PAG1: variants seen among roughly 807,000 people sequenced by gnomAD.
PAG1 encodes the protein phosphoprotein membrane anchor with glycosphingolipid microdomains 1, also known as phosphoprotein associated with glycosphingolipid-enriched microdomains 1.
In PAG1, 23 loss-of-function variants were observed where a neutral mutation model predicts 31.7. That is an observed-to-expected ratio of 0.73 (90% CI 0.52 to 1.03). The LOEUF (loss-of-function observed/expected upper bound fraction) is 1.03, where lower values mean the gene tolerates loss of function less well. Among genes scored for constraint, PAG1 ranks in the 50% least tolerant of loss-of-function variants. PAG1 has a pLI of 0.00. For synonymous variants in PAG1, 214 were observed against 210.3 expected (o/e 1.02, Z -0.15); for missense variants, 473 against 540.7 (o/e 0.87, Z 1.24).
chr8:80,994,225 T>G (rs1807625362), intron 3 of PAG1, among the ~76,000 whole-genome samples: 2 of 152,104 alleles, frequency 1.3e-5, no homozygotes, highest in African/African-American at 2.4e-5. Context: ...TATATTCACC[T>G]GCATTTATTT....
intron 3 of PAG1, among the ~76,000 whole-genome samples, chr8:81,018,915 CAGA>C (rs1387751258): frequency 1.3e-5 from 2 of 152,260 alleles, no homozygotes; most frequent in Admixed American, 1.3e-4. Flanking sequence ...TTGGAGGGCT[CAGA>C]AGAAGATAAG....
At chr8:81,087,153 A>C (rs891152826) in intron 1 of PAG1, among the ~76,000 whole-genome samples, 8 of 152,130 alleles carry the variant, frequency 5.3e-5, no homozygotes, top group African/African-American at 1.9e-4. Context: ...GACCAGCCTG[A>C]CCAACATGGT....
At chr8:81,049,833 G>A (rs1240270749) in intron 2 of PAG1, among the ~76,000 whole-genome samples, 1 of 152,180 alleles carries the variant, frequency 6.6e-6, no homozygotes, top group Non-Finnish European at 1.5e-5. Context: ...ATATTACTGA[G>A]GACTAACAGG....
At chr8:81,048,465 T>A (rs935796733) in intron 2 of PAG1, among the ~76,000 whole-genome samples, 1 of 152,130 alleles carries the variant, frequency 6.6e-6, no homozygotes, top group Non-Finnish European at 1.5e-5. Flanking sequence ...TCCATGAATA[T>A]GAATTCTCCT....
intron 3 of PAG1, among the ~76,000 whole-genome samples, chr8:81,021,290 GT>G (rs1808163568): frequency 6.6e-6 from 1 of 152,050 alleles, no homozygotes; most frequent in African/African-American, 2.4e-5. Flanking sequence ...TAATACGTTA[GT>G]TATAAATGAA....
At chr8:81,064,078 A>G (rs1808963858) in intron 2 of PAG1, among the ~76,000 whole-genome samples, 1 of 152,302 alleles carries the variant, frequency 6.6e-6, no homozygotes, top group South Asian at 2.1e-4. Context: ...ATTAGCTTAC[A>G]AGATAGAATT....
At chr8:81,086,419 A>C (rs769597391) in intron 1 of PAG1, among the ~76,000 whole-genome samples, 1 of 152,178 alleles carries the variant, frequency 6.6e-6, no homozygotes, top group Non-Finnish European at 1.5e-5. Context: ...ATCCTCAGAC[A>C]GGAATACATT....
chr8:81,033,087 T>A (rs1205135177), intron 2 of PAG1, among the ~76,000 whole-genome samples: 1 of 152,158 alleles, frequency 6.6e-6, no homozygotes, highest in African/African-American at 2.4e-5. Context: ...GTCCTAAAAT[T>A]GATGGTTGCA....
Position 80,993,181 on chromosome 8 carries a change from G to A in PAG1, c.47C>T (p.Thr16Ile). 1 of 1,613,574 alleles carries A rather than the reference G, an allele frequency of 6.2e-7. No individual in the cohort carries two copies. Among genetic ancestry groups the A allele is most frequent in the Non-Finnish European group, 8.5e-7 (1 of 1,179,822 alleles). ...GACAGCAGCCAGACTTCCCCACAGG[G>A]TGATCTGCATCTGTCCGCTGCCCAG... ...SLLGSGQMQITLWGSLAAVAI... is the reference protein window; with the variant it reads ...SLLGSGQMQIILWGSLAAVAI... Residue 16 changes from threonine (T) to isoleucine (I), a missense_variant, in exon 4 of 9, where the codon ACC (threonine) becomes ATC (isoleucine). Thr to Ile is a moderately conservative substitution (Grantham distance 89). Coordinates refer to ENST00000220597, the MANE Select transcript of PAG1 (RefSeq NM_018440.4).
At chr8:80,984,742 C>A in intron 7 of PAG1, 34 bp downstream of exon 7, 1 of 1,594,320 alleles carries the variant, frequency 6.3e-7, no homozygotes, top group Non-Finnish European at 8.6e-7. Flanking sequence ...AGAACAGGAA[C>A]CCACAAAGAC....
chr8:80,999,340 CA>C (rs1359915488), intron 3 of PAG1, among the ~76,000 whole-genome samples: 1 of 152,190 alleles, frequency 6.6e-6, no homozygotes, highest in Admixed American at 6.5e-5. Context: ...TGCACTGAGT[CA>C]GGGGCAGAAC....
Position 80,973,471 on chromosome 8 carries a change from T to G in PAG1, c.*3073A>C, listed in dbSNP as rs970575001. 6.6e-6 allele frequency: 1 copy of G among 152,162 alleles called. No homozygotes were observed. The highest frequency in any genetic ancestry group is 1.5e-5 in the Non-Finnish European group (1 of 68,018). 9.4% of individuals were successfully genotyped at this position (152,162 alleles called of 1,614,324 possible). A position where few individuals can be genotyped will look rare whatever the true frequency, so the allele number is the denominator to read the frequency against. On this transcript the variant is annotated 3_prime_UTR_variant, in exon 9 of 9. Coordinates refer to ENST00000220597, the MANE Select transcript of PAG1 (RefSeq NM_018440.4). ...AGTAGCATACAAAATGCTTCTAAAC[T>G]TTCAAAATATCTGAATAAAAACAAA...
intron 1 of PAG1, among the ~76,000 whole-genome samples, chr8:81,084,761 G>A (rs1425893889): frequency 6.6e-6 from 1 of 152,130 alleles, no homozygotes; most frequent in Non-Finnish European, 1.5e-5. Context: ...AGAACTGGAT[G>A]TACATTATGA....
At chr8:80,977,538 T>C (rs1392212131) in intron 8 of PAG1, among the ~76,000 whole-genome samples, 1 of 152,216 alleles carries the variant, frequency 6.6e-6, no homozygotes, top group Non-Finnish European at 1.5e-5. Flanking sequence ...TGGATTCTCG[T>C]TGGTGGTACA....
chr8:81,098,393 T>G (rs1396838108), intron 1 of PAG1, among the ~76,000 whole-genome samples: 1 of 152,214 alleles, frequency 6.6e-6, no homozygotes, highest in Non-Finnish European at 1.5e-5. Context: ...CTTCATGTCT[T>G]TATCTTTCTT....
intron 3 of PAG1, among the ~76,000 whole-genome samples, chr8:81,003,443 A>G (rs1353148023): frequency 1.3e-5 from 2 of 152,170 alleles, no homozygotes; most frequent in Non-Finnish European, 2.9e-5. Flanking sequence ...ATGGGATGAT[A>G]AAGTCAGAGC....
chr8:81,044,970 C>T (rs72674042), intron 2 of PAG1, among the ~76,000 whole-genome samples: 3,188 of 152,206 alleles, frequency 0.021, 53 homozygotes, highest in Middle Eastern at 0.037. Flanking sequence ...CTATGCTGCA[C>T]CTGGAGTATT....
chr8:81,093,074 A>G (rs1156687334), intron 1 of PAG1, among the ~76,000 whole-genome samples: 1 of 152,234 alleles, frequency 6.6e-6, no homozygotes, highest in Non-Finnish European at 1.5e-5. Flanking sequence ...TTAATAAGTG[A>G]AGACATATAC....
At chr8:81,062,417 C>G (rs1382348634) in intron 2 of PAG1, among the ~76,000 whole-genome samples, 1 of 152,316 alleles carries the variant, frequency 6.6e-6, no homozygotes, top group Middle Eastern at 3.4e-3. Flanking sequence ...TGTAAACATT[C>G]ATATTGGCAG....
Sources: gnomAD v4.1 joint callset for allele counts (sites outside exome capture counted in the v4.1 genomes callset) on GRCh38, gnomAD v4.1.1 for gene constraint, MANE v1.5 for transcripts, NCBI Gene and HGNC (gene_info 2026-07-23, HGNC 2026-07-21) for gene names.